FAF1: variants seen among roughly 807,000 people sequenced by gnomAD.
FAF1 encodes Fas associated factor 1, also known as FAS-associated factor 1.
A neutral mutation model predicts 92.5 loss-of-function variants in FAF1; 25 were observed. That is an observed-to-expected ratio of 0.27 (90% CI 0.20 to 0.38). The LOEUF (loss-of-function observed/expected upper bound fraction) is 0.38, where lower values mean the gene tolerates loss of function less well. Ranked by LOEUF, FAF1 falls within the 10% of genes least tolerant of loss-of-function variation. The pLI, the probability that FAF1 is intolerant of heterozygous loss-of-function variation, is 1.00. For synonymous variants in FAF1, 234 were observed against 273.2 expected, an observed-to-expected ratio of 0.86 and a Z score of 1.42; for missense variants, 636 against 793.3, an observed-to-expected ratio of 0.80 and a Z score of 2.38.
At chr1:50,499,603 C>T (rs546295879) in intron 15 of FAF1, among the ~76,000 whole-genome samples, 2 of 152,156 alleles carry the variant, frequency 1.3e-5, no homozygotes, top group South Asian at 2.1e-4. Context: ...TCTTTATCCA[C>T]AGATAAAATG....
chr1:50,640,739 T>C (rs2124244053), intron 8 of FAF1, among the ~76,000 whole-genome samples: 1 of 152,142 alleles, frequency 6.6e-6, no homozygotes, highest in Admixed American at 6.6e-5. Context: ...GTATGATTTG[T>C]AATGATGTCC....
At chr1:50,520,993 T>G (rs1211472389) in intron 15 of FAF1, among the ~76,000 whole-genome samples, 2 of 152,198 alleles carry the variant, frequency 1.3e-5, no homozygotes, top group Non-Finnish European at 2.9e-5. Flanking sequence ...AGATGACAAA[T>G]TCCTTAAAGA....
rs532860640 is a variant in FAF1 at position 50,874,953 on chromosome 1, T to C, written c.46-16956A>G. Among the ~76,000 whole-genome samples the C allele has an allele frequency of 4.0e-5, 6 of 151,704 alleles. No homozygotes were observed. In the South Asian group the frequency reaches 1.3e-3, roughly 32 times the overall value. On this transcript the variant is annotated intron_variant, in intron 1 of 18. Coordinates refer to ENST00000396153, the MANE Select transcript of FAF1 (RefSeq NM_007051.3). ...CCCAGCTAATCTTTGTTTTTCGTTTTCTGTTTTTGTAGAGACAGGGTTTTG... is the reference window on the plus strand; with the variant it reads ...CCCAGCTAATCTTTGTTTTTCGTTTCCTGTTTTTGTAGAGACAGGGTTTTG...
intron 8 of FAF1, among the ~76,000 whole-genome samples, chr1:50,642,502 A>C (rs1484942664): frequency 6.6e-6 from 1 of 151,680 alleles, no homozygotes; most frequent in African/African-American, 2.4e-5. Flanking sequence ...TACAAAAATT[A>C]GCCAGGCGTA....
At chr1:50,909,269 T>C (rs1644864607) in intron 1 of FAF1, among the ~76,000 whole-genome samples, 1 of 152,230 alleles carries the variant, frequency 6.6e-6, no homozygotes, top group Admixed American at 6.5e-5. Context: ...GACTTCCCTT[T>C]GTGGGTAACT....
intron 6 of FAF1, among the ~76,000 whole-genome samples, chr1:50,731,451 G>C (rs1450733503): frequency 2.0e-5 from 3 of 149,416 alleles, no homozygotes; most frequent in Non-Finnish European, 3.0e-5. Flanking sequence ...CTCACTGCAA[G>C]CTCTGCCTCC....
At chr1:50,570,896 A>C (rs888690740) in intron 12 of FAF1, among the ~76,000 whole-genome samples, 1 of 152,218 alleles carries the variant, frequency 6.6e-6, no homozygotes, top group African/African-American at 2.4e-5. Context: ...ATATCAACCA[A>C]TTTGGAAGAG....
intron 15 of FAF1, among the ~76,000 whole-genome samples, chr1:50,510,947 T>C (rs1202277136): frequency 7.9e-5 from 12 of 152,206 alleles, no homozygotes; most frequent in Admixed American, 7.9e-4. Context: ...ACTCTGCCTA[T>C]GTATTATATA....
chr1:50,948,061 A>G (rs1461048065), intron 1 of FAF1, among the ~76,000 whole-genome samples: 1 of 152,216 alleles, frequency 6.6e-6, no homozygotes, highest in Non-Finnish European at 1.5e-5. Context: ...TCAAAAGAAG[A>G]GAGATGTACA....
chr1:50,636,983 A>C (rs1377417479), intron 8 of FAF1, among the ~76,000 whole-genome samples: 1 of 152,164 alleles, frequency 6.6e-6, no homozygotes, highest in African/African-American at 2.4e-5. Flanking sequence ...ATCTTTGCAC[A>C]AAACCAATTA....
chr1:50,869,160 T>C (rs1644506870), intron 1 of FAF1, among the ~76,000 whole-genome samples: 1 of 152,154 alleles, frequency 6.6e-6, no homozygotes, highest in Admixed American at 6.5e-5. Context: ...TGTACTCAAG[T>C]CTACTTAGTC....
chr1:50,697,264 G>A (rs1380784832), intron 7 of FAF1, among the ~76,000 whole-genome samples: 1 of 151,894 alleles, frequency 6.6e-6, no homozygotes, highest in East Asian at 1.9e-4. Flanking sequence ...ATGCATACAG[G>A]GACACTCTAA....
intron 4 of FAF1, among the ~76,000 whole-genome samples, chr1:50,758,661 C>T (rs1405318333): frequency 1.3e-5 from 2 of 152,148 alleles, no homozygotes; most frequent in African/African-American, 2.4e-5. Context: ...TTCTTTCAGG[C>T]TGCCTGGGTG....
At chr1:50,882,104 C>T (rs1644616964) in intron 1 of FAF1, among the ~76,000 whole-genome samples, 1 of 151,984 alleles carries the variant, frequency 6.6e-6, no homozygotes, top group Non-Finnish European at 1.5e-5. Flanking sequence ...CACCAAAATA[C>T]AAAATACATA....
At chr1:50,799,989 T>C (rs202231293) in intron 3 of FAF1, among the ~76,000 whole-genome samples, 3 of 152,160 alleles carry the variant, frequency 2.0e-5, no homozygotes, top group East Asian at 3.8e-4. Context: ...AAGGAAATAG[T>C]TGAAGAATAT....
chr1:50,894,304 TAAAAAAAAA>T (rs34801737), intron 1 of FAF1, among the ~76,000 whole-genome samples: 2 of 62,984 alleles, frequency 3.2e-5, no homozygotes, highest in African/African-American at 5.5e-5. Flanking sequence ...GTCTCAAAAT[TAAAAAAAAA>T]AAAAAAAAAA....
chr1:50,622,209 C>A (rs932159295), intron 8 of FAF1, among the ~76,000 whole-genome samples: 3 of 151,922 alleles, frequency 2.0e-5, no homozygotes, highest in Non-Finnish European at 4.4e-5. Flanking sequence ...GATTACCCTG[C>A]CAGCTCACAT....
intron 1 of FAF1, among the ~76,000 whole-genome samples, chr1:50,905,053 C>T (rs903204104): frequency 2.0e-5 from 3 of 152,240 alleles, no homozygotes; most frequent in Admixed American, 2.0e-4. Context: ...CACCCCACAA[C>T]AGGCCCCGGT....
At chr1:50,694,723 A>T (rs1320727057) in intron 7 of FAF1, among the ~76,000 whole-genome samples, 35 of 150,562 alleles carry the variant, frequency 2.3e-4, no homozygotes, top group African/African-American at 7.1e-4. Flanking sequence ...AGGTGGGCGG[A>T]TCACCTGAGG....
Sources: allele counts gnomAD v4.1 joint callset (sites outside exome capture counted in the v4.1 genomes callset), GRCh38; gene constraint gnomAD v4.1.1; transcripts MANE v1.5; gene names NCBI Gene and HGNC (gene_info 2026-07-23, HGNC 2026-07-21).